LRMDA: variants seen among roughly 807,000 people sequenced by gnomAD.
The protein encoded by LRMDA is leucine rich melanocyte differentiation associated, also known as leucine-rich melanocyte differentiation-associated protein.
Under a neutral mutation model 29.8 loss-of-function variants are expected in LRMDA, and 18 were observed. That is an observed-to-expected ratio of 0.60 (90% CI 0.42 to 0.90). LRMDA has a LOEUF of 0.90. LRMDA is among the 40% of genes least tolerant of loss of function. LRMDA has a pLI of 0.00. For synonymous variants in LRMDA, 125 were observed against 109.4 expected (o/e 1.14, Z -0.89); for missense variants, 273 against 273.9 (o/e 1.00, Z 0.02).
chr10:76,415,065 GC>G (rs1419924173), intron 6 of LRMDA, among the ~76,000 whole-genome samples: 8 of 152,388 alleles, frequency 5.2e-5, no homozygotes, highest in African/African-American at 1.9e-4. Flanking sequence ...CCTCTTGGGA[GC>G]CTGTCAGAGG....
At chr10:75,527,233 T>C (rs941940424) in intron 2 of LRMDA, among the ~76,000 whole-genome samples, 1 of 152,238 alleles carries the variant, frequency 6.6e-6, no homozygotes, top group African/African-American at 2.4e-5. Context: ...GACTGAGTAA[T>C]ATTCCACTGT....
At chr10:75,470,646 G>A (rs1156866689) in intron 2 of LRMDA, among the ~76,000 whole-genome samples, 1 of 152,194 alleles carries the variant, frequency 6.6e-6, no homozygotes, top group Non-Finnish European at 1.5e-5. Flanking sequence ...GCTGTGGCGT[G>A]GATGATGCTT....
At chr10:76,074,381 A>T (rs1256275605) in intron 5 of LRMDA, among the ~76,000 whole-genome samples, 2 of 152,194 alleles carry the variant, frequency 1.3e-5, no homozygotes, top group Non-Finnish European at 2.9e-5. Context: ...TCCTATTAAC[A>T]TCTACCTCCT....
At chr10:75,560,179 T>A (rs1191061672) in intron 2 of LRMDA, among the ~76,000 whole-genome samples, 3 of 152,050 alleles carry the variant, frequency 2.0e-5, no homozygotes, top group African/African-American at 7.2e-5. Context: ...GGAATGTTCT[T>A]CCATTTGTTT....
intron 6 of LRMDA, among the ~76,000 whole-genome samples, chr10:76,494,316 G>GGC (rs1450754084): frequency 2.1e-5 from 3 of 142,934 alleles, no homozygotes; most frequent in African/African-American, 7.8e-5. Flanking sequence ...ATACTACTCA[G>GGC]GCTACATAGC....
At chr10:76,449,629 T>C (rs1335107612) in intron 6 of LRMDA, among the ~76,000 whole-genome samples, 1 of 151,988 alleles carries the variant, frequency 6.6e-6, no homozygotes, top group African/African-American at 2.4e-5. Context: ...GTTTAATGCT[T>C]TCTTGCTTTT....
chr10:76,245,568 G>A (rs538344641), intron 5 of LRMDA, among the ~76,000 whole-genome samples: 1 of 152,238 alleles, frequency 6.6e-6, no homozygotes, highest in Non-Finnish European at 1.5e-5. Context: ...TACTGGGAAG[G>A]ATCTGTATTC....
At chr10:76,037,515 T>C (rs926726015) in intron 3 of LRMDA, among the ~76,000 whole-genome samples, 1 of 152,244 alleles carries the variant, frequency 6.6e-6, no homozygotes, top group African/African-American at 2.4e-5. Flanking sequence ...CTCTCAGATA[T>C]TGTCTCAGTC....
intron 2 of LRMDA, among the ~76,000 whole-genome samples, chr10:75,829,312 C>A (rs1844299045): frequency 6.6e-6 from 1 of 152,130 alleles, no homozygotes; most frequent in Non-Finnish European, 1.5e-5. Context: ...ACAGTTGAAC[C>A]CTTCCACTAG....
chr10:75,908,877 G>A (rs769741364), intron 2 of LRMDA, among the ~76,000 whole-genome samples: 1 of 152,194 alleles, frequency 6.6e-6, no homozygotes, highest in Non-Finnish European at 1.5e-5. Context: ...TGTGTGGAAA[G>A]CCATGTACTG....
At chr10:75,629,376 G>A (rs1347448712) in intron 2 of LRMDA, among the ~76,000 whole-genome samples, 1 of 151,882 alleles carries the variant, frequency 6.6e-6, no homozygotes, top group Non-Finnish European at 1.5e-5. Context: ...TCTCCTTTCT[G>A]GATTTAAGAA....
At chr10:75,765,744 G>T (rs1843155372) in intron 2 of LRMDA, among the ~76,000 whole-genome samples, 1 of 152,028 alleles carries the variant, frequency 6.6e-6, no homozygotes, top group Admixed American at 6.6e-5. Context: ...CGTGCAGAAT[G>T]AAAAGGAGCC....
chr10:75,698,422 T>C (rs1842265664), intron 2 of LRMDA, among the ~76,000 whole-genome samples: 1 of 152,220 alleles, frequency 6.6e-6, no homozygotes, highest in South Asian at 2.1e-4. Flanking sequence ...ACCACAGCTG[T>C]GCTGAAAGAC....
intron 5 of LRMDA, among the ~76,000 whole-genome samples, chr10:76,237,806 T>TTTC (rs1852182051): frequency 2.0e-5 from 3 of 149,616 alleles, no homozygotes; most frequent in Admixed American, 2.0e-4. Context: ...TTTTTTTTTT[T>TTTC]TTTAAGATGG....
chr10:75,965,186 T>C (rs1342059560), intron 2 of LRMDA, among the ~76,000 whole-genome samples: 2 of 152,302 alleles, frequency 1.3e-5, no homozygotes, highest in Admixed American at 1.3e-4. Context: ...CTAAGGGCTA[T>C]AGAAAGAAGT....
intron 2 of LRMDA, among the ~76,000 whole-genome samples, chr10:75,666,799 T>C (rs949807217): frequency 2.0e-5 from 3 of 152,158 alleles, no homozygotes; most frequent in Non-Finnish European, 4.4e-5. Flanking sequence ...GATAAGGTGC[T>C]TTTTTAGCCA....
chr10:76,353,212 A>G (rs1841199028), intron 6 of LRMDA, among the ~76,000 whole-genome samples: 1 of 152,120 alleles, frequency 6.6e-6, no homozygotes. Flanking sequence ...GGATAAAGGC[A>G]GGACAAGAGG....
chr10:75,613,986 T>A (rs1236347344), intron 2 of LRMDA, among the ~76,000 whole-genome samples: 1 of 152,212 alleles, frequency 6.6e-6, no homozygotes, highest in Admixed American at 6.5e-5. Flanking sequence ...GGGAACCATA[T>A]GGCAGATAAG....
chr10:75,684,364 C>T (rs1463213014), intron 2 of LRMDA, among the ~76,000 whole-genome samples: 1 of 152,192 alleles, frequency 6.6e-6, no homozygotes, highest in Admixed American at 6.5e-5. Flanking sequence ...CACTCCCCTT[C>T]TTTTCCCAAT....
Sources: gnomAD v4.1 joint callset for allele counts (sites outside exome capture counted in the v4.1 genomes callset) on GRCh38, gnomAD v4.1.1 for gene constraint, MANE v1.5 for transcripts, NCBI Gene and HGNC (gene_info 2026-07-23, HGNC 2026-07-21) for gene names.